NEGR1: variants seen among roughly 807,000 people sequenced by gnomAD.
NEGR1 encodes IgLON family member 4.
A neutral mutation model predicts 40.9 loss-of-function variants in NEGR1; 10 were observed. The ratio of observed to expected loss-of-function variants is 0.24; its 90% confidence interval spans 0.15 to 0.42. The LOEUF is 0.42. Ranked by LOEUF, NEGR1 falls within the 10% of genes least tolerant of loss-of-function variation. The pLI is 1.00. For synonymous variants in NEGR1, 185 were observed against 166.8 expected (o/e 1.11, Z -0.84); for missense variants, 352 against 438.9 (o/e 0.80, Z 1.77).
chr1:71,464,684 G>A (rs761155296), intron 6 of NEGR1, among the ~76,000 whole-genome samples: 6 of 151,986 alleles, frequency 3.9e-5, no homozygotes, highest in Non-Finnish European at 8.8e-5. Flanking sequence ...CATAAAGCAC[G>A]GAAAATGAGG....
chr1:72,130,000 C>T lies in NEGR1; in HGVS notation c.176+152319G>A, dbSNP rs114573306. On this transcript the variant is annotated intron_variant, in intron 1 of 6. Transcript: ENST00000357731. ...TCACCCCCTAGATACACTTCTTAAC[C>T]CAGGTTCCAAAATATTACTGTTAAT... 9.4e-3 allele frequency among the ~76,000 whole-genome samples: 1,430 copies of T among 152,226 alleles called. 21 individuals carry two copies. The highest frequency in any genetic ancestry group is 0.033 in the African/African-American group (1,359 of 41,526).
chr1:71,503,338 A>AAAG (rs888350048), intron 6 of NEGR1, among the ~76,000 whole-genome samples: 2 of 151,844 alleles, frequency 1.3e-5, no homozygotes, highest in African/African-American at 4.8e-5. Context: ...GTTACCTATC[A>AAAG]AAGAAGAAGA....
At chr1:71,684,787 G>A (rs548051192) in intron 4 of NEGR1, among the ~76,000 whole-genome samples, 1 of 152,134 alleles carries the variant, frequency 6.6e-6, no homozygotes, top group South Asian at 2.1e-4. Flanking sequence ...CATTCTCCCG[G>A]TAATATGGTT....
chr1:71,450,264 C>T (rs944453111), intron 6 of NEGR1, among the ~76,000 whole-genome samples: 2 of 151,958 alleles, frequency 1.3e-5, no homozygotes, highest in African/African-American at 4.8e-5. Flanking sequence ...GCTGGGATTA[C>T]AGGTGTGAGC....
At chr1:72,043,696 A>T (rs1646975672) in intron 1 of NEGR1, among the ~76,000 whole-genome samples, 1 of 151,892 alleles carries the variant, frequency 6.6e-6, no homozygotes, top group African/African-American at 2.4e-5. Context: ...CTATTTGAAG[A>T]TTTTGAGTTT....
In NEGR1 at chr1:71,913,160, G is replaced by A. The variant is rs528492502; in HGVS notation, c.409+21919C>T. 2.0e-5 allele frequency among the ~76,000 whole-genome samples: 3 copies of A among 152,110 alleles called. No homozygotes were observed. In the East Asian group the frequency reaches 5.8e-4, roughly 29 times the overall value. On this transcript the variant is annotated intron_variant, in intron 2 of 6. Transcript: ENST00000357731. ...AGATGGAGTCTCACTCTGTCACCCA[G>A]GCTGGAGTGCAGTGGCGCGATCTCA...
chr1:71,662,100 GGT>G (rs1211982717), intron 4 of NEGR1, among the ~76,000 whole-genome samples: 4 of 152,126 alleles, frequency 2.6e-5, no homozygotes, highest in Non-Finnish European at 1.5e-5. Context: ...TAAGTGAGCA[GGT>G]TTTAGAGTCT....
At chr1:71,681,468 C>T (rs1652836080) in intron 4 of NEGR1, among the ~76,000 whole-genome samples, 1 of 152,242 alleles carries the variant, frequency 6.6e-6, no homozygotes, top group African/African-American at 2.4e-5. Context: ...AATCAACAGT[C>T]AGTGTGTTTG....
At chr1:71,623,500 A>G (rs1257006129) in intron 4 of NEGR1, among the ~76,000 whole-genome samples, 1 of 151,972 alleles carries the variant, frequency 6.6e-6, no homozygotes, top group African/African-American at 2.4e-5. Context: ...ACTTATGAAC[A>G]AGGGGGGAAA....
intron 3 of NEGR1, among the ~76,000 whole-genome samples, chr1:71,762,402 G>A (rs916820496): frequency 1.3e-5 from 2 of 152,030 alleles, no homozygotes; most frequent in African/African-American, 4.8e-5. Flanking sequence ...GAATGCATAT[G>A]TTGTATCAAC....
intron 1 of NEGR1, among the ~76,000 whole-genome samples, chr1:72,207,074 GAAA>G (rs199886981): frequency 1.8e-5 from 2 of 109,452 alleles, no homozygotes; most frequent in African/African-American, 3.3e-5. Flanking sequence ...TGTTTAGGAT[GAAA>G]AAAAAAAAAA....
intron 1 of NEGR1, among the ~76,000 whole-genome samples, chr1:72,261,929 T>G (rs1655471125): frequency 6.6e-6 from 1 of 152,020 alleles, no homozygotes; most frequent in South Asian, 2.1e-4. Context: ...TTTATTTGGG[T>G]GATGTATACA....
intron 1 of NEGR1, among the ~76,000 whole-genome samples, chr1:72,135,201 C>A (rs1230680337): frequency 6.7e-5 from 10 of 149,160 alleles, no homozygotes; most frequent in African/African-American, 2.4e-4. Flanking sequence ...ACGGTGAAAC[C>A]CCGTCTGTAC....
At chr1:71,595,671 T>C (rs1290822522) in intron 5 of NEGR1, among the ~76,000 whole-genome samples, 2 of 152,164 alleles carry the variant, frequency 1.3e-5, no homozygotes, top group African/African-American at 2.4e-5. Context: ...TGATCTCTGC[T>C]CTTGAGAAGG....
chr1:72,095,409 C>T (rs184556521), intron 1 of NEGR1, among the ~76,000 whole-genome samples: 4 of 151,990 alleles, frequency 2.6e-5, no homozygotes, highest in Admixed American at 1.3e-4. Flanking sequence ...GAGTATAATT[C>T]TTTAATTATA....
chr1:71,696,961 T>G (rs1008701557), intron 4 of NEGR1, among the ~76,000 whole-genome samples: 1 of 151,850 alleles, frequency 6.6e-6, no homozygotes, highest in Admixed American at 6.6e-5. Context: ...ACCCTAAGTA[T>G]ATAGATTAGT....
intron 2 of NEGR1, among the ~76,000 whole-genome samples, chr1:71,854,749 A>G (rs624231): frequency 6.6e-6 from 1 of 152,004 alleles, no homozygotes; most frequent in Non-Finnish European, 1.5e-5. Flanking sequence ...AAGGGGGGAA[A>G]GTCCCTTATA....
chr1:71,488,504 T>A (rs1646903112), intron 6 of NEGR1, among the ~76,000 whole-genome samples: 1 of 151,826 alleles, frequency 6.6e-6, no homozygotes, highest in Non-Finnish European at 1.5e-5. Context: ...TTTGAGGTAC[T>A]GAATATTTTT....
At chr1:72,049,073 A>G (rs1647032242) in intron 1 of NEGR1, among the ~76,000 whole-genome samples, 1 of 151,646 alleles carries the variant, frequency 6.6e-6, no homozygotes, top group Non-Finnish European at 1.5e-5. Flanking sequence ...ACATTTAAAC[A>G]GAAACTAGAA....
Sources: gnomAD v4.1 joint callset for allele counts (sites outside exome capture counted in the v4.1 genomes callset) on GRCh38, gnomAD v4.1.1 for gene constraint, MANE v1.5 for transcripts, NCBI Gene and HGNC (gene_info 2026-07-23, HGNC 2026-07-21) for gene names.